The following ELMOD2 variants were observed in gnomAD, a reference collection of about 807,000 sequenced individuals.
ELMOD2 encodes the protein ELMO domain containing 2.
Under a neutral mutation model 41.0 loss-of-function variants are expected in ELMOD2, and 28 were observed. The ratio of observed to expected loss-of-function variants is 0.68; its 90% CI spans 0.51 to 0.94. ELMOD2 has a LOEUF of 0.94. ELMOD2 is among the 40% of genes least tolerant of loss of function. The pLI, the probability that ELMOD2 is intolerant of heterozygous loss-of-function variation, is 0.00. For synonymous variants in ELMOD2, 106 were observed against 107.2 expected (o/e 0.99, Z 0.07); for missense variants, 333 against 343.1 (o/e 0.97, Z 0.23).
chr4:140,527,749 C>T (rs966200534), intron 3 of ELMOD2: 2 of 392,158 alleles, frequency 5.1e-6, no homozygotes, highest in African/African-American at 4.2e-5. Context: ...GAGTTGATAG[C>T]TTTTAGGAAA....
At chr4:140,537,342 A>G in intron 4 of ELMOD2, 70 bp from the exon 5 acceptor site, 1 of 1,325,110 alleles carries the variant, frequency 7.5e-7, no homozygotes, top group Non-Finnish European at 9.8e-7. Flanking sequence ...AGACATATGA[A>G]CCACAAGCTA....
chr4:140,549,341 A>G (rs1578778828), intron 8 of ELMOD2, among the ~76,000 whole-genome samples: 2 of 127,772 alleles, frequency 1.6e-5, no homozygotes, highest in East Asian at 2.3e-4. Context: ...TTAAATTCAC[A>G]TTTAAGTTTA....
chr4:140,543,667 C>T lies in ELMOD2; in HGVS notation c.736+81C>T, dbSNP rs115172148. 1,649 of 1,084,792 alleles carry T rather than the reference C, an allele frequency of 1.5e-3. 20 individuals carry two copies. In the African/African-American group the frequency reaches 0.024, roughly 16 times the overall value. 67.2% of individuals were successfully genotyped at this position (1,084,792 alleles called of 1,614,324 possible). ...AGGAATGTATAATATATATTTTAAT[C>T]TGTTGTCTCTGTGAAGTATATAACT... is the stretch of plus-strand genomic sequence containing the variant. On this transcript the variant is annotated intron_variant, in intron 8 of 8. Transcript: ENST00000323570.
At chr4:140,527,079 C>T (rs1333680389) in intron 2 of ELMOD2, among the ~76,000 whole-genome samples, 1 of 152,146 alleles carries the variant, frequency 6.6e-6, no homozygotes, top group Non-Finnish European at 1.5e-5. Flanking sequence ...AATCTAAAGG[C>T]TCAGGCTAAC....
chr4:140,540,071 C>G, intron 5 of ELMOD2, 97 bp from the exon 6 acceptor site: 3 of 1,397,520 alleles, frequency 2.1e-6, no homozygotes, highest in Non-Finnish European at 2.9e-6. Flanking sequence ...TTTGCTTAAC[C>G]TATGGTTTTT....
chr4:140,538,898 T>G (rs1341422730), intron 5 of ELMOD2, among the ~76,000 whole-genome samples: 2 of 152,196 alleles, frequency 1.3e-5, no homozygotes, highest in Non-Finnish European at 2.9e-5. Context: ...TCATGCATAT[T>G]AAATTTTTAA....
chr4:140,540,827 T>C (rs1413433721), intron 6 of ELMOD2, among the ~76,000 whole-genome samples: 6 of 152,226 alleles, frequency 3.9e-5, no homozygotes, highest in Non-Finnish European at 1.5e-5. Context: ...CTCCTTTTTC[T>C]TTCTGATTTC....
At chr4:140,535,872 A>G (rs1319855246) in intron 4 of ELMOD2, 42 bp downstream of exon 4, 1 of 1,548,728 alleles carries the variant, frequency 6.5e-7, no homozygotes, top group African/African-American at 1.4e-5. Flanking sequence ...ATGCATTTAT[A>G]GCCTGTGAGG....
At chr4:140,537,578 G>A (rs749277048) in intron 5 of ELMOD2, 37 bp downstream of exon 5, 100 of 1,588,604 alleles carry the variant, frequency 6.3e-5, no homozygotes, top group Non-Finnish European at 8.1e-5. Flanking sequence ...GTTGTTGAAC[G>A]CTAGAAAAAT....
Position 140,540,150 on chromosome 4 carries a change from G to A in ELMOD2, c.400-18G>A. ...ATGAGAAAGAAAATGTCTTAATAAT[G>A]GAAATATATTTGTACAGCTTTGGAA... On this transcript the variant is annotated intron_variant, in intron 5 of 8. Transcript: ENST00000323570. 1 of 1,607,566 alleles carries A rather than the reference G, an allele frequency of 6.2e-7. No homozygotes were observed. The highest frequency in any genetic ancestry group is 2.2e-5 in the East Asian group (1 of 44,788).
At chr4:140,542,261 A>C (rs1013884163) in intron 6 of ELMOD2, among the ~76,000 whole-genome samples, 1 of 151,784 alleles carries the variant, frequency 6.6e-6, no homozygotes, top group African/African-American at 2.4e-5. Context: ...TTTCATAGAA[A>C]TAGAACCAGC....
intron 3 of ELMOD2, among the ~76,000 whole-genome samples, chr4:140,533,292 A>C (rs1278000857): frequency 3.3e-5 from 5 of 152,168 alleles, no homozygotes; most frequent in Non-Finnish European, 7.4e-5. Context: ...GACCCCTACT[A>C]CCTGACTTTA....
At position 140,540,191 on chromosome 4, in the gene ELMOD2, G is replaced by A. The variant is rs1041416616; in HGVS notation, c.423G>A (p.Thr141=). The A allele has an allele frequency of 1.2e-5, 19 of 1,613,964 alleles. No individual in the cohort carries two copies. Among genetic ancestry groups the A allele is most frequent in the African/African-American group, 4.0e-5 (3 of 74,914 alleles). The change falls in exon 6 of 9, where the codon ACG becomes ACA. Residue 141 remains threonine (T), a synonymous_variant. Coordinates refer to ENST00000323570, the MANE Select transcript of ELMOD2 (RefSeq NM_153702.4). ...LMKLWNLLMP[T]KKLNARISKQ... ...AGCTTTGGAATCTTCTAATGCCCAC[G>A]AAGAAGTTAAACGCTAGAATCTCCA...
intron 8 of ELMOD2, among the ~76,000 whole-genome samples, chr4:140,548,490 G>T (rs528579249): frequency 1.3e-5 from 2 of 152,118 alleles, no homozygotes; most frequent in East Asian, 3.9e-4. Flanking sequence ...ATATTTCAGT[G>T]TGGGAATATG....
At chr4:140,546,580 T>C (rs1735292559) in intron 8 of ELMOD2, among the ~76,000 whole-genome samples, 1 of 150,524 alleles carries the variant, frequency 6.6e-6, no homozygotes, top group Non-Finnish European at 1.5e-5. Context: ...TAAAGTTCCT[T>C]AGAACTTAAA....
intron 8 of ELMOD2, among the ~76,000 whole-genome samples, 189 bp downstream of exon 8, chr4:140,543,775 A>T (rs936700044): frequency 6.6e-6 from 1 of 152,114 alleles, no homozygotes; most frequent in African/African-American, 2.4e-5. Context: ...TCCATACTTC[A>T]GTTTTTATAT....
chr4:140,539,660 A>G (rs566410164), intron 5 of ELMOD2, among the ~76,000 whole-genome samples: 2 of 148,574 alleles, frequency 1.3e-5, no homozygotes, highest in East Asian at 4.1e-4. Context: ...AGTTTTTCTT[A>G]AATCCTCATC....
chr4:140,542,645 A>G lies in ELMOD2; in HGVS notation c.602+3A>G. ...CGTTCAAATCATCCAAAATTAGGGT[A>G]AGCTGGGTATATTAAAGAAGCCGTA... On this transcript the variant is annotated splice_donor_region_variant and intron_variant, in intron 7 of 8. Coordinates refer to ENST00000323570, the MANE Select transcript of ELMOD2 (RefSeq NM_153702.4). 2.5e-6 allele frequency: 4 copies of G among 1,602,266 alleles called. No individual in the cohort carries two copies. Among genetic ancestry groups the G allele is most frequent in the Non-Finnish European group, 3.4e-6 (4 of 1,172,556 alleles).
At chr4:140,549,938 A>C (rs1578779628) in intron 8 of ELMOD2, among the ~76,000 whole-genome samples, 1 of 151,846 alleles carries the variant, frequency 6.6e-6, no homozygotes, top group South Asian at 2.1e-4. Flanking sequence ...CTGCCCACCT[A>C]AGTCTCTGAA....
Sources: gnomAD v4.1 joint callset for allele counts (sites outside exome capture counted in the v4.1 genomes callset) on GRCh38, gnomAD v4.1.1 for gene constraint, MANE v1.5 for transcripts, NCBI Gene and HGNC (gene_info 2026-07-23, HGNC 2026-07-21) for gene names.